The following SNTG2 variants were observed in gnomAD, a reference collection of about 807,000 sequenced individuals.
The protein encoded by SNTG2 is gamma-2-syntrophin.
SNTG2 carries 74 observed loss-of-function variants against 70.9 expected under a neutral mutation model. That is an observed-to-expected ratio of 1.04 (90% CI 0.86 to 1.27). SNTG2 has a LOEUF of 1.27. SNTG2 is among the 50% of genes most tolerant of loss of function. The pLI, the probability that SNTG2 is intolerant of heterozygous loss-of-function variation, is 0.00. For missense variants in SNTG2, 717 were observed against 690.7 expected (o/e 1.04, Z -0.43); for synonymous variants, 278 against 273.8 (o/e 1.02, Z -0.15).
At chr2:1,142,468 G>A (rs1337838402) in intron 6 of SNTG2, among the ~76,000 whole-genome samples, 1 of 150,534 alleles carries the variant, frequency 6.6e-6, no homozygotes. Context: ...GAGTTCCTGG[G>A]ATGGTGGAGC....
At chr2:1,114,341 T>G (rs1182771159) in intron 4 of SNTG2, among the ~76,000 whole-genome samples, 1 of 151,844 alleles carries the variant, frequency 6.6e-6, no homozygotes, top group Non-Finnish European at 1.5e-5. Context: ...GTTCAACACT[T>G]ACAGTCCTTT....
chr2:1,014,520 A>G (rs56305304), intron 1 of SNTG2, among the ~76,000 whole-genome samples: 35,797 of 47,982 alleles, frequency 0.75, 13,563 homozygotes, highest in African/African-American at 0.8. Context: ...TATGGGCAGA[A>G]AGAAGGGTGG....
intron 1 of SNTG2, among the ~76,000 whole-genome samples, chr2:968,285 TC>T (rs1660634183): frequency 6.6e-6 from 1 of 151,390 alleles, no homozygotes; most frequent in East Asian, 1.9e-4. Flanking sequence ...TTGCAATATT[TC>T]TTATGTGTTT....
In SNTG2 at chr2:1,097,526, A is replaced by G. The variant is rs1665473627; in HGVS notation, c.211-670A>G. ...GCACCAGTCACTCATGTCTACCTGA[A>G]GTTGGCAACAGTCGCATTCATCAGA... On this transcript the variant is annotated intron_variant, in intron 2 of 16. Coordinates refer to ENST00000308624, the MANE Select transcript of SNTG2 (RefSeq NM_018968.4). This position sits in a 1 kb window ranked among gnomAD's most constrained non-coding sequence, Gnocchi z 4.1. Among the ~76,000 whole-genome samples, 1 of 152,180 alleles carries G rather than the reference A, an allele frequency of 6.6e-6. No homozygotes were observed. The highest frequency in any genetic ancestry group is 2.4e-5 in the African/African-American group (1 of 41,458).
chr2:1,333,703 A>G (rs960471847), intron 16 of SNTG2, among the ~76,000 whole-genome samples: 4 of 152,208 alleles, frequency 2.6e-5, no homozygotes, highest in Admixed American at 2.6e-4. Context: ...AACTCTATTC[A>G]ATATATGGGT....
chr2:1,132,120 C>T (rs1212217132), intron 4 of SNTG2, among the ~76,000 whole-genome samples: 1 of 152,058 alleles, frequency 6.6e-6, no homozygotes, highest in Non-Finnish European at 1.5e-5. Context: ...GAACTGTAAA[C>T]TTAAAGTTTC....
intron 1 of SNTG2, among the ~76,000 whole-genome samples, chr2:1,012,000 T>TA (rs1659742054): frequency 6.6e-6 from 1 of 152,268 alleles, no homozygotes; most frequent in African/African-American, 2.4e-5. Context: ...TTTCAAATAT[T>TA]GACTTAGAAA....
At chr2:1,232,503 G>A (rs1259965630) in intron 9 of SNTG2, among the ~76,000 whole-genome samples, 1 of 151,950 alleles carries the variant, frequency 6.6e-6, no homozygotes, top group Non-Finnish European at 1.5e-5. Context: ...TCACCATGTT[G>A]GTCAGGCTGG....
intron 7 of SNTG2, among the ~76,000 whole-genome samples, chr2:1,165,962 G>C (rs758490199): frequency 1.3e-5 from 2 of 152,088 alleles, no homozygotes; most frequent in East Asian, 3.9e-4. Flanking sequence ...AAGTTTACAC[G>C]TAAAATACCT....
intron 16 of SNTG2, among the ~76,000 whole-genome samples, chr2:1,363,128 G>GGCC (rs1661289923): frequency 3.2e-5 from 2 of 62,978 alleles, no homozygotes; most frequent in African/African-American, 5.5e-5. Context: ...TCACAAAATG[G>GGCC]ACCCCCCCCA....
Position 1,307,068 on chromosome 2 carries a change from T to G in SNTG2, c.1285-1426T>G, listed in dbSNP as rs192329581. Among the ~76,000 whole-genome samples the G allele has an allele frequency of 2.5e-3, 381 of 149,864 alleles. 1 individual carries two copies. Among genetic ancestry groups the G allele is most frequent in the African/African-American group, 8.5e-3 (344 of 40,618 alleles). On this transcript the variant is annotated intron_variant, in intron 14 of 16. Transcript: ENST00000308624. ...GTGTGTGAGCCATGGACTGTGTGTG[T>G]GGGGGAATGTGTGAGTGTGTGAACC... is the stretch of plus-strand genomic sequence containing the variant.
chr2:966,516 T>C (rs1660574649), intron 1 of SNTG2, among the ~76,000 whole-genome samples: 2 of 152,230 alleles, frequency 1.3e-5, no homozygotes, highest in Non-Finnish European at 2.9e-5. Flanking sequence ...TTGTAAAGGC[T>C]TTTATAATGC....
At chr2:1,115,987 C>T (rs1666941292) in intron 4 of SNTG2, among the ~76,000 whole-genome samples, 2 of 152,344 alleles carry the variant, frequency 1.3e-5, no homozygotes, top group South Asian at 4.1e-4. Flanking sequence ...CCAACGGGTT[C>T]CTCTTCTAAC....
intron 1 of SNTG2, among the ~76,000 whole-genome samples, chr2:964,143 T>C (rs1660450174): frequency 6.6e-6 from 1 of 152,226 alleles, no homozygotes; most frequent in Admixed American, 6.5e-5. Context: ...TACCTCTGGA[T>C]CTTGTAATGA....
chr2:1,357,047 A>C (rs1660891833), intron 16 of SNTG2, among the ~76,000 whole-genome samples: 1 of 151,690 alleles, frequency 6.6e-6, no homozygotes, highest in Non-Finnish European at 1.5e-5. Context: ...ATTTTTGTTT[A>C]TTAGTTCTAA....
intron 1 of SNTG2, among the ~76,000 whole-genome samples, chr2:1,055,296 G>C (rs557289925): frequency 6.4e-4 from 97 of 152,316 alleles, no homozygotes; most frequent in African/African-American, 2.3e-3. Flanking sequence ...CGCTCTGCTC[G>C]GGGCTTCTTT....
At chr2:1,084,779 G>A (rs545021730) in intron 2 of SNTG2, among the ~76,000 whole-genome samples, 2 of 152,318 alleles carry the variant, frequency 1.3e-5, no homozygotes, top group African/African-American at 4.8e-5. Context: ...TCCAGACAGC[G>A]CCTTGAATGC....
At chr2:985,573 A>G (rs1273928482) in intron 1 of SNTG2, among the ~76,000 whole-genome samples, 1 of 152,142 alleles carries the variant, frequency 6.6e-6, no homozygotes, top group Non-Finnish European at 1.5e-5. Flanking sequence ...TTTGCTTTTT[A>G]ACTTTGGGGG....
intron 6 of SNTG2, among the ~76,000 whole-genome samples, chr2:1,156,470 T>C (rs1558467109): frequency 6.6e-6 from 1 of 152,238 alleles, no homozygotes; most frequent in African/African-American, 2.4e-5. Flanking sequence ...CATCTTGGGA[T>C]AGGGAGGGAA....
Sources: gnomAD v4.1 joint callset for allele counts (sites outside exome capture counted in the v4.1 genomes callset) on GRCh38, gnomAD v4.1.1 for gene constraint, Gnocchi (gnomAD v3.1) non-coding constraint, MANE v1.5 for transcripts, NCBI Gene and HGNC (gene_info 2026-07-23, HGNC 2026-07-21) for gene names.